Variants in MEP1A observed in about 807,000 individuals in gnomAD.
MEP1A encodes the protein N-benzoyl-L-tyrosyl-P-amino-benzoic acid hydrolase subunit alpha.
A neutral mutation model predicts 84.5 loss-of-function variants in MEP1A; 68 were observed. That is an observed-to-expected ratio of 0.80 (90% CI 0.66 to 0.98). The LOEUF is 0.98. Ranked by LOEUF, MEP1A falls within the 50% of genes least tolerant of loss-of-function variation. The pLI, the probability that MEP1A is intolerant of heterozygous loss-of-function variation, is 0.00. For missense variants in MEP1A, 887 were observed against 919.9 expected, an observed-to-expected ratio of 0.96 and a Z score of 0.46; for synonymous variants, 337 against 336.8, an observed-to-expected ratio of 1.00 and a Z score of -0.01.
intron 6 of MEP1A, among the ~76,000 whole-genome samples, chr6:46,817,228 A>G (rs1275470456): frequency 2.0e-5 from 3 of 152,200 alleles, no homozygotes; most frequent in Admixed American, 2.0e-4. Flanking sequence ...AAAGTATCTG[A>G]GATTTCAGAT....
chr6:46,822,495 A>G (rs577952364), intron 7 of MEP1A, among the ~76,000 whole-genome samples: 1 of 152,324 alleles, frequency 6.6e-6, no homozygotes, highest in African/African-American at 2.4e-5. Flanking sequence ...GTATTCTCAT[A>G]AGAATCCATG....
chr6:46,817,570 A>C (rs973106497), intron 6 of MEP1A, among the ~76,000 whole-genome samples: 7 of 152,238 alleles, frequency 4.6e-5, no homozygotes, highest in African/African-American at 1.7e-4. Context: ...ACGTCAGAGA[A>C]ACAATTAACT....
chr6:46,807,823 GAAAGAAAGA>G (rs1562107117), intron 5 of MEP1A, among the ~76,000 whole-genome samples: 2 of 149,014 alleles, frequency 1.3e-5, no homozygotes, highest in East Asian at 1.9e-4. Flanking sequence ...AAGAAAGAAA[GAAAGAAAGA>G]AAGAAAGGAA....
chr6:46,836,796 T>A (rs1003029666), intron 13 of MEP1A, among the ~76,000 whole-genome samples: 1 of 149,942 alleles, frequency 6.7e-6, no homozygotes, highest in Non-Finnish European at 1.5e-5. Flanking sequence ...GTCAGGGATT[T>A]TTTTTTTTTT....
At chr6:46,844,007 CTTTTTTACTTGGTT>C (rs1768376370), downstream of MEP1A, among the ~76,000 whole-genome samples, 1 of 152,128 alleles carries the variant, frequency 6.6e-6, no homozygotes, top group South Asian at 2.1e-4. Flanking sequence ...ATGTAAAGTT[CTTTTTTACTTGGTT>C]TTCTTTATTA....
chr6:46,831,127 T>A (rs1435569890), intron 10 of MEP1A, among the ~76,000 whole-genome samples: 34 of 152,352 alleles, frequency 2.2e-4, no homozygotes, highest in Non-Finnish European at 1.2e-4. Context: ...TGAAAGGTTT[T>A]TTTAAGTAGT....
chr6:46,793,963 T>C (rs1376567522), intron 3 of MEP1A, among the ~76,000 whole-genome samples: 1 of 152,212 alleles, frequency 6.6e-6, no homozygotes, highest in Admixed American at 6.5e-5. Flanking sequence ...TTTCTCTTTA[T>C]AAAAATTTTA....
intron 5 of MEP1A, among the ~76,000 whole-genome samples, chr6:46,808,956 G>A (rs551389545): frequency 4.6e-5 from 7 of 152,050 alleles, no homozygotes; most frequent in Admixed American, 3.9e-4. Context: ...TTAGATTGGG[G>A]TAAGGAACAC....
intron 3 of MEP1A, among the ~76,000 whole-genome samples, chr6:46,795,882 A>C (rs545787915): frequency 6.6e-5 from 10 of 152,186 alleles, no homozygotes; most frequent in Non-Finnish European, 1.5e-4. Flanking sequence ...CACAGGCCAA[A>C]GTGATCTGTG....
At chr6:46,795,928 G>A (rs1767041464) in intron 3 of MEP1A, among the ~76,000 whole-genome samples, 1 of 152,116 alleles carries the variant, frequency 6.6e-6, no homozygotes, top group Non-Finnish European at 1.5e-5. Flanking sequence ...TGCAGCATTT[G>A]AGGATCCACC....
intron 3 of MEP1A, among the ~76,000 whole-genome samples, chr6:46,796,848 G>T (rs1017255600): frequency 6.6e-6 from 1 of 152,222 alleles, no homozygotes; most frequent in Non-Finnish European, 1.5e-5. Context: ...AGGAAATACA[G>T]ATTTTTGCTC....
intron 13 of MEP1A, among the ~76,000 whole-genome samples, chr6:46,836,045 A>C (rs1490185911): frequency 1.3e-5 from 2 of 152,188 alleles, no homozygotes; most frequent in Non-Finnish European, 2.9e-5. Flanking sequence ...GTTATGCATC[A>C]TGTAGTCTCC....
intron 5 of MEP1A, among the ~76,000 whole-genome samples, chr6:46,807,613 G>T (rs1336595353): frequency 1.3e-5 from 1 of 77,460 alleles, no homozygotes; most frequent in Admixed American, 1.6e-4. Context: ...AGGAAGGAAG[G>T]AAGGAAGGAA....
chr6:46,818,089 G>T (rs1462855688), intron 6 of MEP1A, among the ~76,000 whole-genome samples: 1 of 152,132 alleles, frequency 6.6e-6, no homozygotes, highest in African/African-American at 2.4e-5. Context: ...TCTGAGTTGT[G>T]AATATTTTGC....
At chr6:46,798,734 G>A in intron 4 of MEP1A, 88 bp downstream of exon 4, 8 of 1,112,610 alleles carry the variant, frequency 7.2e-6, no homozygotes, top group Non-Finnish European at 9.6e-6. Flanking sequence ...GCCCTGGGAT[G>A]GGCACTGTGA....
intron 6 of MEP1A, among the ~76,000 whole-genome samples, chr6:46,810,854 G>T (rs1255916534): frequency 6.6e-6 from 1 of 151,966 alleles, no homozygotes; most frequent in African/African-American, 2.4e-5. Flanking sequence ...GTACTTTCCT[G>T]TTTTTGGTGA....
rs1025357572 is a variant in MEP1A at position 46,839,654 on chromosome 6, C to T, written c.*518C>T. 1 of 152,188 alleles carries T rather than the reference C, an allele frequency of 6.6e-6. No individual in the cohort carries two copies. Among genetic ancestry groups the T allele is most frequent in the Non-Finnish European group, 1.5e-5 (1 of 68,038 alleles). 9.4% of individuals were successfully genotyped at this position (152,188 alleles called of 1,614,324 possible). A position where few individuals can be genotyped will look rare whatever the true frequency, so the allele number is the denominator to read the frequency against. ...CATTAGATACAGTAGTGTCATCACT[C>T]TTTTAAGATCTTGTTAAAGATTTCA... On this transcript the variant is annotated 3_prime_UTR_variant, in exon 14 of 14. Coordinates refer to ENST00000230588, the MANE Select transcript of MEP1A (RefSeq NM_005588.3).
intron 10 of MEP1A, among the ~76,000 whole-genome samples, chr6:46,832,817 G>A (rs914170660): frequency 6.6e-6 from 1 of 151,988 alleles, no homozygotes; most frequent in African/African-American, 2.4e-5. Context: ...TTCTTATAGT[G>A]GAAAACAAAT....
chr6:46,807,440 G>A (rs1001912964), intron 5 of MEP1A, among the ~76,000 whole-genome samples: 18 of 150,188 alleles, frequency 1.2e-4, no homozygotes, highest in Non-Finnish European at 2.5e-4. Flanking sequence ...TTGGGAAGCC[G>A]AGGCAGGAAG....
Sources: gnomAD v4.1 joint callset for allele counts (sites outside exome capture counted in the v4.1 genomes callset) on GRCh38, gnomAD v4.1.1 for gene constraint, MANE v1.5 for transcripts, NCBI Gene and HGNC (gene_info 2026-07-23, HGNC 2026-07-21) for gene names.